The following NSD1 variants were observed in gnomAD, a reference collection of about 807,000 sequenced individuals.
The protein encoded by NSD1 is histone-lysine N-methyltransferase, H3 lysine-36 specific.
A neutral mutation model predicts 242.7 loss-of-function variants in NSD1; 26 were observed. That is an observed-to-expected ratio of 0.11 (90% CI 0.08 to 0.15). The LOEUF is 0.15. NSD1 is among the 10% of genes least tolerant of loss of function. The probability of loss-of-function intolerance (pLI) is 1.00; values close to 1 mark genes in which losing one functional copy is unlikely to be tolerated. For synonymous variants in NSD1, 1,106 were observed against 1,178.1 expected, an observed-to-expected ratio of 0.94 and a Z score of 1.25; for missense variants, 2,495 against 3,272.8, an observed-to-expected ratio of 0.76 and a Z score of 5.80.
chr5:177,138,714 A>G (rs745388499), intron 2 of NSD1, among the ~76,000 whole-genome samples: 2 of 151,518 alleles, frequency 1.3e-5, no homozygotes, highest in Non-Finnish European at 2.9e-5. Flanking sequence ...ATCTCGGCTC[A>G]CTGCAATCTC....
rs1760456657 is a variant in NSD1 at position 177,299,524 on chromosome 5, C to T, written c.*4065C>T. The stretch of plus-strand genomic sequence containing the variant: ...TTGTTGGGTCTTCCTCAGCTCCCTT[C>T]TGCCCCTCTCTACCTCTTCCACTCA... On this transcript the variant is annotated 3_prime_UTR_variant, in exon 23 of 23. Transcript: ENST00000439151. The T allele has an allele frequency of 4.3e-6, 1 of 233,378 alleles. No individual in the cohort carries two copies. The highest frequency in any genetic ancestry group is 2.2e-5 in the African/African-American group (1 of 45,480). 14.5% of individuals were successfully genotyped at this position (233,378 alleles called of 1,614,324 possible). A position where few individuals can be genotyped will look rare whatever the true frequency, so the allele number is the denominator to read the frequency against.
intron 14 of NSD1, chr5:177,266,098 C>T (rs1284061124): frequency 1.8e-6 from 2 of 1,124,530 alleles, no homozygotes; most frequent in Non-Finnish European, 1.4e-6. Flanking sequence ...CCGTCACATA[C>T]AGTGTGGCCC....
chr5:177,180,181 G>A (rs562412172), intron 2 of NSD1, among the ~76,000 whole-genome samples: 1 of 151,526 alleles, frequency 6.6e-6, no homozygotes, highest in Non-Finnish European at 1.5e-5. Context: ...TGCAACCTCC[G>A]CCTCCTGGAT....
At position 177,293,929 on chromosome 5, in the gene NSD1, A is replaced by T. The variant is rs1268453689; in HGVS notation, c.6561A>T (p.Arg2187=). The T allele has an allele frequency of 6.2e-7, 1 of 1,613,960 alleles. No individual in the cohort carries two copies. Among genetic ancestry groups the T allele is most frequent in the Non-Finnish European group, 8.5e-7 (1 of 1,180,008 alleles). The stretch of plus-strand genomic sequence containing the variant: ...CCAGCTCCTTTTGTAAGCAGCATCG[A>T]GAAGGGATGCTTTTCATTTCCAAAC... ...MCPSSFCKQH[R]EGMLFISKLD... is the part of the protein sequence containing the mutation. Residue 2187 remains arginine (R), a synonymous_variant, in exon 23 of 23, where the codon CGA becomes CGT. Transcript: ENST00000439151.
In NSD1 at chr5:177,269,751, G is replaced by A; in HGVS notation, c.5453G>A (p.Gly1818Asp). Residue 1818 changes from glycine (G) to aspartate (D), a missense_variant, in exon 16 of 23, where the codon GGT becomes GAT. By Grantham distance (94) the Gly-to-Asp change is moderately conservative (BLOSUM62 -1). Coordinates refer to ENST00000439151, the MANE Select transcript of NSD1 (RefSeq NM_022455.5). The surrounding 1 kb of genome is among the most constrained non-coding windows in gnomAD (Gnocchi z 5.1). ...HQARVFPYME[G>D]DVSSKDKMGK... ...GCCCGAGTCTTCCCTTACATGGAGG[G>A]TGACGTGAGCAGCAAGGATAAGATG... 6.2e-7 allele frequency: 1 copy of A among 1,614,084 alleles called. No individual in the cohort carries two copies. The highest frequency in any genetic ancestry group is 8.5e-7 in the Non-Finnish European group (1 of 1,180,024).
chr5:177,162,455 G>A (rs1008603924), intron 2 of NSD1, among the ~76,000 whole-genome samples: 2 of 151,964 alleles, frequency 1.3e-5, no homozygotes, highest in Non-Finnish European at 2.9e-5. Flanking sequence ...GAGTTCAGTG[G>A]TAGGATCTCG....
chr5:177,286,270 T>A (rs1286967969), intron 20 of NSD1, among the ~76,000 whole-genome samples: 1 of 152,214 alleles, frequency 6.6e-6, no homozygotes, highest in Non-Finnish European at 1.5e-5. Flanking sequence ...TGTGACAATT[T>A]TTAGATTTTA....
chr5:177,202,230 G>T (rs941735778), intron 3 of NSD1, among the ~76,000 whole-genome samples: 11 of 151,254 alleles, frequency 7.3e-5, no homozygotes, highest in African/African-American at 2.4e-4. Flanking sequence ...TAATTGAGTG[G>T]TTTTTTTTAA....
intron 2 of NSD1, among the ~76,000 whole-genome samples, chr5:177,173,713 C>T (rs1015508034): frequency 6.6e-6 from 1 of 152,058 alleles, no homozygotes; most frequent in African/African-American, 2.4e-5. Flanking sequence ...CCTAACATAT[C>T]TGCCCGCCTG....
chr5:177,248,187 C>A lies in NSD1; in HGVS notation c.4504C>A (p.Leu1502Ile). The change falls in exon 11 of 23, where the codon CTA becomes ATA. Residue 1502 changes from leucine (L) to isoleucine (I), a missense_variant. Leu to Ile is a conservative substitution (Grantham distance 5). Around this residue, in one of 19 missense-constraint regions of NSD1, gnomAD observed 97 missense variants for 97.7 expected, o/e 0.99. Coordinates refer to ENST00000439151, the MANE Select transcript of NSD1 (RefSeq NM_022455.5). ...SKEIPGSEGE[L>I]MPHRTATSPK... ...ATTATTTTTTCTTTGCAAGGGAGAA[C>A]TAATGCCTCACAGGACGGCCACAAG... 6.2e-7 allele frequency: 1 copy of A among 1,614,070 alleles called. No individual in the cohort carries two copies. The highest frequency in any genetic ancestry group is 8.5e-7 in the Non-Finnish European group (1 of 1,180,010).
rs879559485 is a variant in NSD1 at position 177,273,927 on chromosome 5, C to T, written c.5622+143C>T. 1.4e-4 allele frequency: 91 copies of T among 628,090 alleles called. 1 individual carries two copies. Among genetic ancestry groups the T allele is most frequent in the East Asian group, 3.1e-4 (10 of 32,110 alleles). The allele number at this position is 628,090 out of a possible 1,614,324, so 38.9% of individuals were successfully genotyped here. A position where few individuals can be genotyped will look rare whatever the true frequency, so the allele number is the denominator to read the frequency against. On this transcript the variant is annotated intron_variant, in intron 17 of 22. Transcript: ENST00000439151. ...AGCTTAAAAGAAGATCAGAAATAGCCGGGCACGGTGGCTCACGCTTGTAAT... is the reference window on the plus strand; with the variant it reads ...AGCTTAAAAGAAGATCAGAAATAGCTGGGCACGGTGGCTCACGCTTGTAAT...
rs140095431 is a variant in NSD1 at position 177,209,718 on chromosome 5, G to A, written c.1319G>A (p.Arg440Gln). ...QYDVPKGSKN[R>Q]KCIPGSIKLD... is the part of the protein sequence containing the mutation. The stretch of plus-strand genomic sequence containing the variant: ...GATGTTCCCAAGGGGTCAAAGAACC[G>A]AAAATGTATTCCTGGTTCAATCAAG... Residue 440 changes from arginine (R) to glutamine (Q), a missense_variant, in exon 5 of 23, where the codon CGA becomes CAA. Around this residue, in one of 19 missense-constraint regions of NSD1, gnomAD observed 515 missense variants for 467.0 expected, o/e 1.10. Transcript: ENST00000439151. The A allele has an allele frequency of 6.2e-6, 10 of 1,613,940 alleles. No homozygotes were observed. In the African/African-American group the frequency reaches 6.7e-5, roughly 11 times the overall value.
chr5:177,204,414 T>G (rs1449160461), intron 4 of NSD1, 122 bp downstream of exon 4: 3 of 907,376 alleles, frequency 3.3e-6, no homozygotes, highest in Non-Finnish European at 5.1e-6. Context: ...AGTACAGTGG[T>G]GCAATCTTTG....
intron 17 of NSD1, among the ~76,000 whole-genome samples, chr5:177,279,831 A>T (rs1408953588): frequency 1.3e-5 from 2 of 150,240 alleles, no homozygotes; most frequent in African/African-American, 4.9e-5. Context: ...GTTAGCCAGG[A>T]TGGTCTTGAT....
rs149648565 is a variant in NSD1, at chr5:177,217,080, A to G, written c.3796+4885A>G. On this transcript the variant is annotated intron_variant, in intron 5 of 22. Coordinates refer to ENST00000439151, the MANE Select transcript of NSD1 (RefSeq NM_022455.5). ...TGAGATGTTGATAGGGATGGCATTG[A>G]CTTTAGTTTCCTTTGGGTAGTAGGG... Among the ~76,000 whole-genome samples, 1,003 of 151,618 alleles carry G rather than the reference A, an allele frequency of 6.6e-3. 7 individuals carry two copies. The highest frequency in any genetic ancestry group is 0.018 in the African/African-American group (744 of 41,356).
chr5:177,242,984 T>C (rs1315979934), intron 8 of NSD1, among the ~76,000 whole-genome samples: 1 of 152,246 alleles, frequency 6.6e-6, no homozygotes, highest in Admixed American at 6.5e-5. Context: ...ATAAAATGTG[T>C]GGCTCTTGAT....
intron 2 of NSD1, among the ~76,000 whole-genome samples, chr5:177,139,013 G>A (rs1348911629): frequency 6.7e-6 from 1 of 150,334 alleles, no homozygotes; most frequent in African/African-American, 2.4e-5. Flanking sequence ...ACTTTGGGAG[G>A]CTGAGGCGGG....
intron 11 of NSD1, among the ~76,000 whole-genome samples, chr5:177,250,683 T>G (rs2149902898): frequency 6.6e-6 from 1 of 152,272 alleles, no homozygotes; most frequent in East Asian, 1.9e-4. Flanking sequence ...AGTCAGACAT[T>G]TGAGGATATC....
In NSD1 at chr5:177,266,511, G is replaced by A. The variant is rs183040116; in HGVS notation, c.5147-1051G>A. 1.1e-5 allele frequency: 7 copies of A among 627,184 alleles called. No homozygotes were observed. In the East Asian group the frequency reaches 1.7e-4, roughly 15 times the overall value. 38.9% of individuals were successfully genotyped at this position (627,184 alleles called of 1,614,324 possible). A position where few individuals can be genotyped will look rare whatever the true frequency, so the allele number is the denominator to read the frequency against. On this transcript the variant is annotated intron_variant, in intron 14 of 22. Transcript: ENST00000439151. ...AGTAATCTTTGGACGTCATGCCCTCGACGTTCGGCTTCTCGCTGCTTTCCG... is the reference window on the plus strand; with the variant it reads ...AGTAATCTTTGGACGTCATGCCCTCAACGTTCGGCTTCTCGCTGCTTTCCG...
Sources: allele counts gnomAD v4.1 joint callset (sites outside exome capture counted in the v4.1 genomes callset), GRCh38; gene constraint gnomAD v4.1.1; regional missense constraint gnomAD v4.1.1; non-coding constraint Gnocchi (gnomAD v3.1); transcripts MANE v1.5; gene names NCBI Gene and HGNC (gene_info 2026-07-23, HGNC 2026-07-21).